Variants in DPP10 observed in about 807,000 individuals in gnomAD.
DPP10 encodes the protein dipeptidyl peptidase like 10.
DPP10 carries 33 observed loss-of-function variants against 120.9 expected under a neutral mutation model. The ratio of observed to expected loss-of-function variants is 0.27; its 90% CI spans 0.21 to 0.37. DPP10 has a LOEUF of 0.37. DPP10 is among the 10% of genes least tolerant of loss of function. DPP10 has a pLI of 1.00. For synonymous variants in DPP10, 337 were observed against 326.1 expected, an observed-to-expected ratio of 1.03 and a Z score of -0.36; for missense variants, 816 against 942.8, an observed-to-expected ratio of 0.87 and a Z score of 1.76.
In DPP10 at chr2:115,802,812, C is replaced by G. The variant is rs138731646; in HGVS notation, c.1700+11456C>G. Among the ~76,000 whole-genome samples, 130 of 152,238 alleles carry G rather than the reference C, an allele frequency of 8.5e-4. No homozygotes were observed. In the East Asian group the frequency reaches 0.018, roughly 21 times the overall value. On this transcript the variant is annotated intron_variant, in intron 19 of 25. Transcript: ENST00000410059. ...TCTGAGAGATAGTTTGTTATAATTTCTGTTCTGTTACATTTGCTGAAGAGT... is the reference window on the plus strand; with the variant it reads ...TCTGAGAGATAGTTTGTTATAATTTGTGTTCTGTTACATTTGCTGAAGAGT...
chr2:115,016,026 G>C (rs1463003406), intron 1 of DPP10, among the ~76,000 whole-genome samples: 1 of 152,044 alleles, frequency 6.6e-6, no homozygotes, highest in Non-Finnish European at 1.5e-5. Flanking sequence ...AACCAAAAAA[G>C]AGCCCATATA....
At chr2:115,267,661 C>T (rs750226669) in intron 1 of DPP10, among the ~76,000 whole-genome samples, 3 of 152,076 alleles carry the variant, frequency 2.0e-5, no homozygotes, top group Non-Finnish European at 4.4e-5. Flanking sequence ...CACTTTCCTT[C>T]CTCGAGGCAT....
chr2:115,210,124 A>G (rs2056408231), intron 1 of DPP10, among the ~76,000 whole-genome samples: 1 of 152,024 alleles, frequency 6.6e-6, no homozygotes, highest in African/African-American at 2.4e-5. Flanking sequence ...GCACCCATTA[A>G]CTCGTCATTT....
chr2:114,493,488 C>T (rs1682183953), intron 1 of DPP10, among the ~76,000 whole-genome samples: 1 of 151,998 alleles, frequency 6.6e-6, no homozygotes, highest in Non-Finnish European at 1.5e-5. Flanking sequence ...GGTAAGAGGA[C>T]ATAGAAACCC....
At chr2:114,873,680 C>T (rs572073867) in intron 1 of DPP10, among the ~76,000 whole-genome samples, 11 of 147,654 alleles carry the variant, frequency 7.4e-5, no homozygotes, top group East Asian at 2.1e-4. Flanking sequence ...GCCAAAAAAA[C>T]GTCAGCAGAA....
At chr2:114,550,729 A>G (rs904592812) in intron 1 of DPP10, among the ~76,000 whole-genome samples, 4 of 152,192 alleles carry the variant, frequency 2.6e-5, no homozygotes, top group African/African-American at 9.7e-5. Flanking sequence ...TCTGTGACAC[A>G]TTATACCAGA....
chr2:114,541,964 A>G (rs1334557924), intron 1 of DPP10, among the ~76,000 whole-genome samples: 1 of 151,910 alleles, frequency 6.6e-6, no homozygotes, highest in Non-Finnish European at 1.5e-5. Context: ...AAAATAAAGA[A>G]TGGATTCTCA....
chr2:114,519,244 C>CT (rs936540766), intron 1 of DPP10, among the ~76,000 whole-genome samples: 1 of 152,168 alleles, frequency 6.6e-6, no homozygotes, highest in Non-Finnish European at 1.5e-5. Context: ...AATAGAGAAA[C>CT]TTTGCCAGCC....
chr2:115,271,084 T>C (rs565331137), intron 1 of DPP10, among the ~76,000 whole-genome samples: 3 of 152,328 alleles, frequency 2.0e-5, no homozygotes, highest in African/African-American at 7.2e-5. Context: ...CTTTCAGATA[T>C]TGTTTTTGCA....
chr2:114,708,328 C>T (rs1016351721), intron 1 of DPP10, among the ~76,000 whole-genome samples: 5 of 152,150 alleles, frequency 3.3e-5, no homozygotes, highest in African/African-American at 9.6e-5. Context: ...GCAGGATATC[C>T]TGTTCCAGGA....
chr2:115,034,327 C>T (rs930894150), intron 1 of DPP10, among the ~76,000 whole-genome samples: 1 of 151,566 alleles, frequency 6.6e-6, no homozygotes, highest in African/African-American at 2.4e-5. Context: ...GATTTCTGAC[C>T]TTTTTTCTCT....
At position 115,032,463 on chromosome 2, in the gene DPP10, A is replaced by C. The variant is rs543098737; in HGVS notation, c.61-276776A>C. ...AGTGTGATTCAGAATACAAAGAAAG[A>C]TATTTATTTTCCTTTAGCAATAATC... On this transcript the variant is annotated intron_variant, in intron 1 of 25. Coordinates refer to ENST00000410059, the MANE Select transcript of DPP10 (RefSeq NM_020868.6). Among the ~76,000 whole-genome samples, 3 of 152,038 alleles carry C rather than the reference A, an allele frequency of 2.0e-5. No individual in the cohort carries two copies. In the East Asian group the frequency reaches 5.8e-4, roughly 29 times the overall value.
chr2:115,291,827 G>A (rs2060668504), intron 1 of DPP10, among the ~76,000 whole-genome samples: 1 of 152,028 alleles, frequency 6.6e-6, no homozygotes, highest in Non-Finnish European at 1.5e-5. Flanking sequence ...GGTGGCTGCT[G>A]GATGTCACAG....
chr2:115,033,893 C>CTTTTTTTTTTTTTTTTTT (rs965717193), intron 1 of DPP10, among the ~76,000 whole-genome samples: 203 of 89,840 alleles, frequency 2.3e-3, no homozygotes, highest in East Asian at 2.9e-3. Context: ...TTTTCTTTTT[C>CTTTTTTTTTTTTTTTTTT]TTTTTTTTTT....
Position 115,770,845 on chromosome 2 carries a change from G to A in DPP10, c.1221+2441G>A, listed in dbSNP as rs577957485. Among the ~76,000 whole-genome samples, 55 of 152,042 alleles carry A rather than the reference G, an allele frequency of 3.6e-4. 2 individuals carry two copies. The highest frequency in any genetic ancestry group is 1.3e-3 in the African/African-American group (53 of 41,482). On this transcript the variant is annotated intron_variant, in intron 13 of 25. Coordinates refer to ENST00000410059, the MANE Select transcript of DPP10 (RefSeq NM_020868.6). Reference sequence around the variant, plus strand: ...TCTCACACTTTTAATCCATTATTGTGTATATTTTACATTCTTTTTTCATGA... The same window carrying A: ...TCTCACACTTTTAATCCATTATTGTATATATTTTACATTCTTTTTTCATGA...
chr2:114,670,852 ATTG>A (rs1007803260), intron 1 of DPP10, among the ~76,000 whole-genome samples: 21 of 152,284 alleles, frequency 1.4e-4, no homozygotes, highest in African/African-American at 4.6e-4. Context: ...GAAGTAAATA[ATTG>A]TTGTGCTGTA....
chr2:114,448,269 A>G (rs976595804), intron 1 of DPP10, among the ~76,000 whole-genome samples: 2 of 152,206 alleles, frequency 1.3e-5, no homozygotes. Context: ...TATAATTTCA[A>G]GGTAAATTTA....
At chr2:115,580,933 T>C (rs564234599) in intron 5 of DPP10, among the ~76,000 whole-genome samples, 2 of 152,202 alleles carry the variant, frequency 1.3e-5, no homozygotes, top group Non-Finnish European at 2.9e-5. Context: ...CTTTAAATAT[T>C]TGTTGAATAA....
chr2:115,047,775 A>C (rs1196342169), intron 1 of DPP10, among the ~76,000 whole-genome samples: 2 of 152,146 alleles, frequency 1.3e-5, no homozygotes, highest in Non-Finnish European at 2.9e-5. Context: ...TATTAGTAAC[A>C]AAAAGAGAGG....
Sources: allele counts gnomAD v4.1 joint callset (sites outside exome capture counted in the v4.1 genomes callset), GRCh38; gene constraint gnomAD v4.1.1; transcripts MANE v1.5; gene names NCBI Gene and HGNC (gene_info 2026-07-23, HGNC 2026-07-21).